Variants in SOX6 observed in about 807,000 individuals in gnomAD.
SOX6 encodes the protein transcription factor SOX-6.
SOX6 carries 11 observed loss-of-function variants against 97.8 expected under a neutral mutation model. The observed-to-expected ratio is 0.11, with a 90% confidence interval of 0.07 to 0.19. The LOEUF (loss-of-function observed/expected upper bound fraction) is 0.19. Among genes scored for constraint, SOX6 ranks in the 10% least tolerant of loss-of-function variants. SOX6 has a pLI of 1.00. For missense variants in SOX6, 810 were observed against 1,039.5 expected (o/e 0.78, Z 3.04); for synonymous variants, 360 against 371.4 (o/e 0.97, Z 0.35).
chr11:16,737,992 C>A lies in SOX6; in HGVS notation n.219+433G>T, dbSNP rs12281205. Among the ~76,000 whole-genome samples the A allele has an allele frequency of 2.8e-3, 433 of 152,128 alleles. 6 individuals carry two copies. Among genetic ancestry groups the A allele is most frequent in the African/African-American group, 9.9e-3 (410 of 41,508 alleles). ...TACTGTAACGGTGCCCAGACATCCA[C>A]AGCGAGGTCAGTGAGGAGCACTCCC... is the stretch of plus-strand genomic sequence containing the variant. On this transcript the variant is annotated intron_variant and non_coding_transcript_variant, in intron 1 of 5. Transcript: ENST00000524520.
At chr11:16,307,352 T>C (rs1052953526) in intron 3 of SOX6, among the ~76,000 whole-genome samples, 4 of 152,202 alleles carry the variant, frequency 2.6e-5, no homozygotes, top group African/African-American at 9.6e-5. Flanking sequence ...GAGACCAGAC[T>C]TTCTGCTATT....
intron 1 of SOX6, among the ~76,000 whole-genome samples, chr11:16,461,075 A>C (rs931245861): frequency 6.6e-6 from 1 of 152,138 alleles, no homozygotes; most frequent in Non-Finnish European, 1.5e-5. Context: ...GATCTAATTT[A>C]TGAGATGGAA....
At chr11:16,598,132 A>C (rs1848232073) in intron 4 of SOX6, among the ~76,000 whole-genome samples, 1 of 152,042 alleles carries the variant, frequency 6.6e-6, no homozygotes, top group South Asian at 2.1e-4. Context: ...CCAATCCCTC[A>C]GCTTAGTGCT....
rs1424128760 is a variant in SOX6, at chr11:15,968,024, A to G, written c.*4785T>C. ...GAAAAGGAAATGTGTTTGCATATCA[A>G]TATTTTCAATGATATTAGTACAGGG... On this transcript the variant is annotated 3_prime_UTR_variant, in exon 16 of 16. Coordinates refer to ENST00000683767, the MANE Select transcript of SOX6 (RefSeq NM_001367873.1). 2 of 152,162 alleles carry G rather than the reference A, an allele frequency of 1.3e-5. No individual in the cohort carries two copies. Among genetic ancestry groups the G allele is most frequent in the Non-Finnish European group, 2.9e-5 (2 of 68,034 alleles). The allele number at this position is 152,162 out of a possible 1,614,324, so 9.4% of individuals were successfully genotyped here. A position where few individuals can be genotyped will look rare whatever the true frequency, so the allele number is the denominator to read the frequency against.
intron 9 of SOX6, among the ~76,000 whole-genome samples, chr11:16,067,117 C>T (rs934571552): frequency 9.2e-5 from 14 of 152,088 alleles, no homozygotes; most frequent in African/African-American, 3.4e-4. Context: ...AAGAAACTTG[C>T]CTTGTTTCAG....
At chr11:16,356,592 G>A (rs971183275), upstream of SOX6, among the ~76,000 whole-genome samples, 1 of 151,994 alleles carries the variant, frequency 6.6e-6, no homozygotes, top group African/African-American at 2.4e-5. Context: ...ATCGGAATTT[G>A]GCAGGAAAAT....
intron 4 of SOX6, among the ~76,000 whole-genome samples, chr11:16,550,487 A>T (rs1199229675): frequency 6.6e-6 from 1 of 151,926 alleles, no homozygotes; most frequent in Non-Finnish European, 1.5e-5. Flanking sequence ...ATAATAATAA[A>T]AAAATAAAAA....
intron 1 of SOX6, among the ~76,000 whole-genome samples, chr11:16,397,895 T>C (rs1590185608): frequency 6.6e-6 from 1 of 151,632 alleles, no homozygotes; most frequent in South Asian, 2.1e-4. Flanking sequence ...CTTTCTTATA[T>C]GCAGATAAAC....
intron 3 of SOX6, among the ~76,000 whole-genome samples, chr11:16,281,423 A>G (rs1854561023): frequency 6.6e-6 from 1 of 152,070 alleles, no homozygotes; most frequent in African/African-American, 2.4e-5. Context: ...TTCCCACAAG[A>G]TAGAGCAATC....
chr11:16,117,826 G>T (rs1430605354), intron 6 of SOX6, among the ~76,000 whole-genome samples: 1 of 152,064 alleles, frequency 6.6e-6, no homozygotes, highest in East Asian at 1.9e-4. Flanking sequence ...TGACATGCCA[G>T]GAAAGGCAGT....
intron 4 of SOX6, among the ~76,000 whole-genome samples, chr11:16,210,054 G>T (rs1852178208): frequency 6.6e-6 from 1 of 152,094 alleles, no homozygotes; most frequent in African/African-American, 2.4e-5. Flanking sequence ...ATGTAAAATG[G>T]TATAGCTGCT....
intron 3 of SOX6, among the ~76,000 whole-genome samples, chr11:16,687,997 G>A (rs1193643079): frequency 6.6e-6 from 1 of 151,412 alleles, no homozygotes; most frequent in Admixed American, 6.6e-5. Context: ...TTTTGACACA[G>A]GGTCTCACTC....
At chr11:16,418,567 C>T (rs921519858) in intron 1 of SOX6, among the ~76,000 whole-genome samples, 20 of 152,060 alleles carry the variant, frequency 1.3e-4, no homozygotes, top group African/African-American at 3.6e-4. Flanking sequence ...AGCTCGAGGC[C>T]GACTTCAATC....
chr11:16,381,185 G>T (rs1322861888), intron 1 of SOX6, among the ~76,000 whole-genome samples: 2 of 151,836 alleles, frequency 1.3e-5, no homozygotes, highest in Non-Finnish European at 2.9e-5. Context: ...AAAGAAAGAA[G>T]AAAAATGAGA....
At chr11:16,446,266 G>T (rs1247125018) in intron 1 of SOX6, among the ~76,000 whole-genome samples, 3 of 151,620 alleles carry the variant, frequency 2.0e-5, no homozygotes, top group Non-Finnish European at 4.4e-5. Flanking sequence ...AGAAAGGAGA[G>T]GAGAGAAAGA....
At chr11:16,469,251 C>T (rs1164366996) in intron 1 of SOX6, among the ~76,000 whole-genome samples, 1 of 151,978 alleles carries the variant, frequency 6.6e-6, no homozygotes, top group South Asian at 2.1e-4. Flanking sequence ...GCTACAAAAA[C>T]GAAGCCTCTT....
At chr11:16,397,271 ATACTTTT>A in intron 1 of SOX6, among the ~76,000 whole-genome samples, 1 of 151,656 alleles carries the variant, frequency 6.6e-6, no homozygotes, top group African/African-American at 2.4e-5. Flanking sequence ...ACTTATGTAA[ATACTTTT>A]TAGTTACTGT....
intron 12 of SOX6, among the ~76,000 whole-genome samples, chr11:16,040,354 C>A (rs758024100): frequency 2.0e-5 from 3 of 151,886 alleles, no homozygotes; most frequent in Non-Finnish European, 4.4e-5. Flanking sequence ...AGCTAGGCAA[C>A]CAATCAAGTA....
intron 3 of SOX6, among the ~76,000 whole-genome samples, chr11:16,269,719 C>A (rs1255847262): frequency 6.6e-6 from 1 of 150,890 alleles, no homozygotes; most frequent in Non-Finnish European, 1.5e-5. Context: ...GGTGTTTTTT[C>A]TACCATTAAT....
Sources: gnomAD v4.1 joint callset for allele counts (sites outside exome capture counted in the v4.1 genomes callset) on GRCh38, gnomAD v4.1.1 for gene constraint, MANE v1.5 for transcripts, NCBI Gene and HGNC (gene_info 2026-07-23, HGNC 2026-07-21) for gene names.